The following ZNF747 variants were observed in gnomAD, a reference collection of about 807,000 sequenced individuals.
ZNF747 encodes the protein zinc finger protein 747.
In ZNF747, 14 loss-of-function variants were observed where a neutral mutation model predicts 13.4. That is an observed-to-expected ratio of 1.04 (90% CI 0.69 to 1.63). The LOEUF (loss-of-function observed/expected upper bound fraction) is 1.63. Among genes scored for constraint, ZNF747 ranks in the 40% most tolerant of loss-of-function variants. The probability of loss-of-function intolerance (pLI) is 0.00; values close to 1 mark genes in which losing one functional copy is unlikely to be tolerated. For missense variants in ZNF747, 532 were observed against 477.9 expected (o/e 1.11, Z -1.05); for synonymous variants, 212 against 206.5 (o/e 1.03, Z -0.23).
At chr16:30,533,514 C>G (rs2051409934) in intron 2 of ZNF747, among the ~76,000 whole-genome samples, 1 of 151,780 alleles carries the variant, frequency 6.6e-6, no homozygotes, top group Non-Finnish European at 1.5e-5. Context: ...AAAGCTGAGG[C>G]AAGAACTAAA....
chr16:30,534,048 G>C lies in ZNF747; in HGVS notation c.343+149C>G, dbSNP rs976913442. 10 of 1,209,628 alleles carry C rather than the reference G, an allele frequency of 8.3e-6. No individual in the cohort carries two copies. The South Asian group carries it at 1.4e-4, about 17-fold the overall frequency. The allele number at this position is 1,209,628 out of a possible 1,614,324, so 74.9% of individuals were successfully genotyped here. ...ACAGCCCCTTTCTAGGCTGCATCCCGGAGCCAGGCAGGGGCTCAGCCTCCT... is the reference window on the plus strand; with the variant it reads ...ACAGCCCCTTTCTAGGCTGCATCCCCGAGCCAGGCAGGGGCTCAGCCTCCT... On this transcript the variant is annotated intron_variant, in intron 2 of 2. Transcript: ENST00000693075.
chr16:30,533,194 G>A, intron 2 of ZNF747, 43 bp from the exon 3 acceptor site: 1 of 1,611,228 alleles, frequency 6.2e-7, no homozygotes, highest in Non-Finnish European at 8.5e-7. Context: ...GCTCATCCTG[G>A]TCATTGAATC....
chr16:30,532,595 A>C lies in ZNF747; in HGVS notation c.900T>G (p.Pro300=). ...PGGEGRRGRR[P]GGLSVTLTPV... is the part of the protein sequence containing the mutation. ...GAGTCAGGGTCACAGACAGCCCCCC[A>C]GGGCGCCGGCCCCTACGCCCCTCGC... The change falls in exon 3 of 3, where the codon CCT becomes CCG. Residue 300 remains proline (P), a synonymous_variant. Transcript: ENST00000693075. 6 of 1,563,654 alleles carry C rather than the reference A, an allele frequency of 3.8e-6. No homozygotes were observed. Among genetic ancestry groups the C allele is most frequent in the Non-Finnish European group, 5.2e-6 (6 of 1,158,018 alleles).
chr16:30,534,511 C>A lies in ZNF747; in HGVS notation c.169G>T (p.Ala57Ser), dbSNP rs768645219. The A allele has an allele frequency of 6.2e-7, 1 of 1,609,260 alleles. No homozygotes were observed. ...SREEWGCLRP[A>S]QRALYRDVMR... Reference sequence around the variant, plus strand: ...ACGTCCCGGTACAGGGCCCTCTGCGCGGGCCGCAGGCAGCCCCACTCCTCC... The same window carrying A: ...ACGTCCCGGTACAGGGCCCTCTGCGAGGGCCGCAGGCAGCCCCACTCCTCC... The change falls in exon 1 of 3, where the codon GCG becomes TCG. Residue 57 changes from alanine (A) to serine (S), a missense_variant. Transcript: ENST00000693075.
Position 30,533,159 on chromosome 16 carries a change from A to G in ZNF747, c.344-8T>C. On this transcript the variant is annotated splice_region_variant and splice_polypyrimidine_tract_variant and intron_variant, in intron 2 of 2. Transcript: ENST00000693075. The stretch of plus-strand genomic sequence containing the variant: ...CCTTGTTTCTGGAATCTGCTGAAAG[A>G]TAAGGAGGCGAGAGTTCAGGCTTGG... The G allele has an allele frequency of 6.2e-7, 1 of 1,612,132 alleles. No homozygotes were observed. Among genetic ancestry groups the G allele is most frequent in the Non-Finnish European group, 8.5e-7 (1 of 1,179,984 alleles).
At position 30,534,458 on chromosome 16, in the gene ZNF747, GC is replaced by G; in HGVS notation, c.221del (p.Gly74AlafsTer72). On this transcript the variant is annotated frameshift_variant, in exon 1 of 3. Coordinates refer to ENST00000693075, the MANE Select transcript of ZNF747 (RefSeq NM_001305018.2). LOFTEE classifies it high-confidence loss of function. ...AGCAGGTGGGGCTCTCACCGAGCGC[GC>G]CCAGGTGGCCGTAGGTCTCCCGCAT... Reference protein sequence around the residue: ...DVMRETYGHLGALGVGGSKPA... With the variant: ...DVMRETYGHLXALGVGGSKPA... 1.3e-6 allele frequency: 2 copies of G among 1,590,498 alleles called. No individual in the cohort carries two copies. The highest frequency in any genetic ancestry group is 1.7e-6 in the Non-Finnish European group (2 of 1,169,488).
chr16:30,531,706 C>T lies in ZNF747; in HGVS notation c.*793G>A, dbSNP rs1382397295. On this transcript the variant is annotated 3_prime_UTR_variant, in exon 3 of 3. Transcript: ENST00000693075. Reference sequence around the variant, plus strand: ...CTGAGAGGCTGGGGCAGGAGGATTCCTTGAGCCCAGCAGGTCTAGGCTGCA... The same window carrying T: ...CTGAGAGGCTGGGGCAGGAGGATTCTTTGAGCCCAGCAGGTCTAGGCTGCA... 3 of 152,196 alleles carry T rather than the reference C, an allele frequency of 2.0e-5. No homozygotes were observed. Among genetic ancestry groups the T allele is most frequent in the Non-Finnish European group, 2.9e-5 (2 of 68,054 alleles). The allele number at this position is 152,196 out of a possible 1,614,324, so 9.4% of individuals were successfully genotyped here.
Position 30,532,348 on chromosome 16 carries a change from A to T in ZNF747, c.*151T>A. On this transcript the variant is annotated 3_prime_UTR_variant, in exon 3 of 3. Transcript: ENST00000693075. ...GCGGGGAGCAAGGTGCTGGCAGAAG[A>T]GGCTGCTGAGAGCCCAAGATCAGAC... The T allele has an allele frequency of 1.2e-6, 1 of 852,356 alleles. No individual in the cohort carries two copies. The highest frequency in any genetic ancestry group is 1.8e-6 in the Non-Finnish European group (1 of 553,804). The allele number at this position is 852,356 out of a possible 1,614,324, so 52.8% of individuals were successfully genotyped here.
Position 30,532,482 on chromosome 16 carries a change from G to T in ZNF747, c.*17C>A. On this transcript the variant is annotated 3_prime_UTR_variant, in exon 3 of 3. Coordinates refer to ENST00000693075, the MANE Select transcript of ZNF747 (RefSeq NM_001305018.2). ...CTCGGGCCGCCCACAATGTCTAGAT[G>T]GTCACTTTTTAGGCCGTCACCCACA... The T allele has an allele frequency of 6.3e-7, 1 of 1,594,550 alleles. No homozygotes were observed. The highest frequency in any genetic ancestry group is 8.5e-7 in the Non-Finnish European group (1 of 1,172,848).
rs1373274550 is a variant in ZNF747 at position 30,534,435 on chromosome 16, C to G, written c.229+16G>C. ...TGTGGAGGCGCAGGGCCCAGGCAAG[C>G]AGGTGGGGCTCTCACCGAGCGCGCC... On this transcript the variant is annotated intron_variant, in intron 1 of 2. Coordinates refer to ENST00000693075, the MANE Select transcript of ZNF747 (RefSeq NM_001305018.2). 3.2e-6 allele frequency: 5 copies of G among 1,574,950 alleles called. No individual in the cohort carries two copies. Among genetic ancestry groups the G allele is most frequent in the Non-Finnish European group, 8.6e-7 (1 of 1,161,458 alleles).
Position 30,532,334 on chromosome 16 carries a change from G to T in ZNF747, c.*165C>A. On this transcript the variant is annotated 3_prime_UTR_variant, in exon 3 of 3. Coordinates refer to ENST00000693075, the MANE Select transcript of ZNF747 (RefSeq NM_001305018.2). ...GAGAGCCCAGGGCAGCGGGGAGCAAGGTGCTGGCAGAAGAGGCTGCTGAGA... is the reference window on the plus strand; with the variant it reads ...GAGAGCCCAGGGCAGCGGGGAGCAATGTGCTGGCAGAAGAGGCTGCTGAGA... 1.3e-6 allele frequency: 1 copy of T among 779,874 alleles called. No homozygotes were observed. Among genetic ancestry groups the T allele is most frequent in the Non-Finnish European group, 2.0e-6 (1 of 491,332 alleles). The allele number at this position is 779,874 out of a possible 1,614,324, so 48.3% of individuals were successfully genotyped here.
Position 30,530,991 on chromosome 16 carries a change from C to G in ZNF747, c.*1508G>C, listed in dbSNP as rs1567501153. The G allele has an allele frequency of 1.3e-5, 2 of 152,288 alleles. No individual in the cohort carries two copies. Among genetic ancestry groups the G allele is most frequent in the Non-Finnish European group, 2.9e-5 (2 of 68,064 alleles). The allele number at this position is 152,288 out of a possible 1,614,324, so 9.4% of individuals were successfully genotyped here. A position where few individuals can be genotyped will look rare whatever the true frequency, so the allele number is the denominator to read the frequency against. On this transcript the variant is annotated 3_prime_UTR_variant, in exon 3 of 3. Coordinates refer to ENST00000693075, the MANE Select transcript of ZNF747 (RefSeq NM_001305018.2). This position sits in a 1 kb window ranked among gnomAD's most constrained non-coding sequence, Gnocchi z 4.4. The stretch of plus-strand genomic sequence containing the variant: ...GGGATACAGATGGGTACGGTTGCCA[C>G]TGGCTACAAATCTAACACCAGGTGT...
At chr16:30,533,801 G>A (rs1391618307) in intron 2 of ZNF747, among the ~76,000 whole-genome samples, 1 of 150,928 alleles carries the variant, frequency 6.6e-6, no homozygotes, top group Non-Finnish European at 1.5e-5. Flanking sequence ...TGCCTTTACA[G>A]TGTTAGGTAC....
chr16:30,533,861 G>A (rs752818519), intron 2 of ZNF747, among the ~76,000 whole-genome samples: 1 of 152,020 alleles, frequency 6.6e-6, no homozygotes, highest in Non-Finnish European at 1.5e-5. Context: ...TTGAGCCCGG[G>A]AGTTCAAGAC....
rs750504466 is a variant in ZNF747 at position 30,533,154 on chromosome 16, G to T, written c.344-3C>A. The stretch of plus-strand genomic sequence containing the variant: ...CTCTTCCTTGTTTCTGGAATCTGCT[G>T]AAAGATAAGGAGGCGAGAGTTCAGG... On this transcript the variant is annotated splice_region_variant and splice_polypyrimidine_tract_variant and intron_variant, in intron 2 of 2. Coordinates refer to ENST00000693075, the MANE Select transcript of ZNF747 (RefSeq NM_001305018.2). The T allele has an allele frequency of 1.2e-6, 2 of 1,612,212 alleles. No homozygotes were observed. The highest frequency in any genetic ancestry group is 1.1e-5 in the South Asian group (1 of 91,000).
intron 2 of ZNF747, among the ~76,000 whole-genome samples, chr16:30,533,788 G>A (rs963139706): frequency 2.0e-5 from 3 of 150,796 alleles, no homozygotes; most frequent in Non-Finnish European, 4.4e-5. Flanking sequence ...GCGTGGTGGC[G>A]AGTGCCTTTA....
In ZNF747 at chr16:30,534,277, C is replaced by A; in HGVS notation, c.263G>T (p.Trp88Leu). 2 of 1,593,544 alleles carry A rather than the reference C, an allele frequency of 1.3e-6. No individual in the cohort carries two copies. Among genetic ancestry groups the A allele is most frequent in the Non-Finnish European group, 8.5e-7 (1 of 1,170,512 alleles). Reference protein sequence around the residue: ...VGGSKPALISWVEEKAELWDP... With the variant: ...VGGSKPALISLVEEKAELWDP... ...CCACAGTTCGGCCTTCTCCTCCACC[C>A]AGGAGATGAGCGCCGGCTTGCTGCC... The change falls in exon 2 of 3, where the codon TGG becomes TTG. Residue 88 changes from tryptophan to leucine, a missense_variant. Trp to Leu is a moderately conservative substitution (Grantham distance 61, BLOSUM62 -2). Transcript: ENST00000693075.
In ZNF747 at chr16:30,534,228, C is replaced by T. The variant is rs530426608; in HGVS notation, c.312G>A (p.Glu104=). Residue 104 remains glutamate, a synonymous_variant, in exon 2 of 3, where the codon GAG becomes GAA. Transcript: ENST00000693075. ...ELWDPAAQDP[E]VAKCPTEADP... is the part of the protein sequence containing the mutation. ...CCGCTTCTGTCGGACACTTCGCCAC[C>T]TCCGGATCCTGGGCAGCCGGATCCC... 25 of 1,608,592 alleles carry T rather than the reference C, an allele frequency of 1.6e-5. No individual in the cohort carries two copies. In the South Asian group the frequency reaches 2.4e-4, roughly 16 times the overall value.
chr16:30,533,268 G>A, intron 2 of ZNF747, 117 bp from the exon 3 acceptor site: 1 of 1,325,138 alleles, frequency 7.5e-7, no homozygotes. Context: ...AGATGGAGGA[G>A]TGACACCTGT....
Sources: allele counts gnomAD v4.1 joint callset (sites outside exome capture counted in the v4.1 genomes callset), GRCh38; gene constraint gnomAD v4.1.1; non-coding constraint Gnocchi (gnomAD v3.1); transcripts MANE v1.5; gene names NCBI Gene and HGNC (gene_info 2026-07-23, HGNC 2026-07-21).